EPHA6: variants seen among roughly 807,000 people sequenced by gnomAD.
The protein encoded by EPHA6 is EPH receptor A6, also known as ephrin type-A receptor 6.
In EPHA6, 50 loss-of-function variants were observed where a neutral mutation model predicts 112.0. The ratio of observed to expected loss-of-function variants is 0.45; its 90% confidence interval spans 0.36 to 0.56. The LOEUF is 0.56. Among genes scored for constraint, EPHA6 ranks in the 20% least tolerant of loss-of-function variants. The pLI is 0.00. For synonymous variants in EPHA6, 529 were observed against 490.7 expected (o/e 1.08, Z -1.03); for missense variants, 1,280 against 1,417.4 (o/e 0.90, Z 1.56).
At chr3:97,399,948 C>T (rs922643806) in intron 5 of EPHA6, among the ~76,000 whole-genome samples, 1 of 151,428 alleles carries the variant, frequency 6.6e-6, no homozygotes, top group African/African-American at 2.4e-5. Flanking sequence ...GATATAATCT[C>T]GTTTGTCTAT....
intron 12 of EPHA6, among the ~76,000 whole-genome samples, chr3:97,601,194 A>G (rs1467430070): frequency 2.0e-5 from 3 of 152,162 alleles, no homozygotes; most frequent in Non-Finnish European, 4.4e-5. Flanking sequence ...AACTATCAGC[A>G]CTTTCAAAAG....
intron 5 of EPHA6, among the ~76,000 whole-genome samples, chr3:97,287,589 T>A (rs2080518411): frequency 1.3e-5 from 2 of 152,188 alleles, no homozygotes; most frequent in African/African-American, 2.4e-5. Context: ...ATGAGCCATG[T>A]TCTTTTATGT....
At chr3:97,615,707 C>T (rs1453585857) in intron 13 of EPHA6, among the ~76,000 whole-genome samples, 2 of 152,174 alleles carry the variant, frequency 1.3e-5, no homozygotes, top group Non-Finnish European at 2.9e-5. Flanking sequence ...ATCTGCTCTA[C>T]CAAAACATGT....
chr3:97,479,991 T>G (rs1000464632), intron 9 of EPHA6, among the ~76,000 whole-genome samples: 3 of 152,170 alleles, frequency 2.0e-5, no homozygotes. Flanking sequence ...AGTTTTTCTA[T>G]TGTGAGACAC....
At chr3:97,044,056 A>G (rs1402436993) in intron 3 of EPHA6, among the ~76,000 whole-genome samples, 2 of 152,216 alleles carry the variant, frequency 1.3e-5, no homozygotes, top group Non-Finnish European at 2.9e-5. Flanking sequence ...GATGATCTCC[A>G]TACAGTCAGT....
rs146091281 is a variant in EPHA6, at chr3:97,430,062, T to C, written c.1732-18506T>C. Among the ~76,000 whole-genome samples, 923 of 152,312 alleles carry C rather than the reference T, an allele frequency of 6.1e-3. 12 individuals carry two copies. Among genetic ancestry groups the C allele is most frequent in the African/African-American group, 0.02 (849 of 41,576 alleles). On this transcript the variant is annotated intron_variant, in intron 6 of 17. Coordinates refer to ENST00000389672, the MANE Select transcript of EPHA6 (RefSeq NM_001080448.3). Reference sequence around the variant, plus strand: ...AAATTGGATATAAAACCTTTATTTCTTTTTTAAATTAATTTTTAAATATCA... The same window carrying C: ...AAATTGGATATAAAACCTTTATTTCCTTTTTAAATTAATTTTTAAATATCA...
intron 11 of EPHA6, among the ~76,000 whole-genome samples, chr3:97,558,254 T>C (rs1268940661): frequency 1.3e-5 from 2 of 151,950 alleles, no homozygotes; most frequent in African/African-American, 4.8e-5. Context: ...GTAGCAGAAA[T>C]GTCAGGCTTT....
At chr3:97,224,583 A>G (rs2078298584) in intron 3 of EPHA6, among the ~76,000 whole-genome samples, 1 of 152,198 alleles carries the variant, frequency 6.6e-6, no homozygotes. Context: ...AGAAAACAAT[A>G]TGCTTATAAT....
chr3:97,532,256 G>T, intron 10 of EPHA6, 102 bp from the exon 11 acceptor site: 1 of 959,834 alleles, frequency 1.0e-6, no homozygotes, highest in South Asian at 1.8e-5. Context: ...ACATACTTAA[G>T]AGTCATTATG....
At chr3:96,931,161 A>G (rs974155411) in intron 2 of EPHA6, among the ~76,000 whole-genome samples, 68 of 151,382 alleles carry the variant, frequency 4.5e-4, no homozygotes, top group African/African-American at 1.6e-3. Flanking sequence ...GGCCTGCCCC[A>G]CCTCCCAGCC....
intron 5 of EPHA6, among the ~76,000 whole-genome samples, chr3:97,288,926 T>TA (rs2080577897): frequency 7.1e-6 from 1 of 139,898 alleles, no homozygotes; most frequent in Non-Finnish European, 1.5e-5. Context: ...TAATGGGGAT[T>TA]TTTTTTTTTT....
chr3:97,347,570 C>A (rs556552474), intron 5 of EPHA6, among the ~76,000 whole-genome samples: 2 of 151,916 alleles, frequency 1.3e-5, no homozygotes, highest in African/African-American at 2.4e-5. Flanking sequence ...GAAAGTGACT[C>A]CAATGAACAT....
At chr3:97,107,271 T>C (rs945988647) in intron 3 of EPHA6, among the ~76,000 whole-genome samples, 1 of 152,126 alleles carries the variant, frequency 6.6e-6, no homozygotes. Context: ...AAGAAGTAAA[T>C]AGTAGTGAGA....
intron 5 of EPHA6, among the ~76,000 whole-genome samples, chr3:97,393,816 A>G (rs1258790208): frequency 2.0e-5 from 3 of 151,818 alleles, no homozygotes. Flanking sequence ...ACACATATGA[A>G]TGAGATCTTG....
At chr3:97,454,739 T>C (rs143753202) in intron 7 of EPHA6, among the ~76,000 whole-genome samples, 1 of 152,062 alleles carries the variant, frequency 6.6e-6, no homozygotes, top group African/African-American at 2.4e-5. Context: ...TGATCCAGTC[T>C]GTTGGTTGAA....
intron 15 of EPHA6, among the ~76,000 whole-genome samples, chr3:97,723,209 A>G (rs1267964242): frequency 6.6e-6 from 1 of 152,236 alleles, no homozygotes; most frequent in Non-Finnish European, 1.5e-5. Context: ...AAGATGCCAG[A>G]CCACAAGACA....
chr3:97,667,162 T>C (rs1358151502), intron 14 of EPHA6, among the ~76,000 whole-genome samples: 1 of 152,196 alleles, frequency 6.6e-6, no homozygotes, highest in Non-Finnish European at 1.5e-5. Flanking sequence ...CATAATTGAG[T>C]TTCCCTTGTG....
chr3:97,125,836 A>C (rs551990684), intron 3 of EPHA6, among the ~76,000 whole-genome samples: 89 of 152,284 alleles, frequency 5.8e-4, no homozygotes, highest in Non-Finnish European at 1.1e-3. Context: ...ACTGAATTTC[A>C]AACCTAGTTT....
At chr3:97,092,110 C>T (rs1333966110) in intron 3 of EPHA6, among the ~76,000 whole-genome samples, 1 of 146,258 alleles carries the variant, frequency 6.8e-6, no homozygotes, top group Non-Finnish European at 1.5e-5. Flanking sequence ...AAAAAAAAAG[C>T]AAAAAATTAA....
Sources: allele counts gnomAD v4.1 joint callset (sites outside exome capture counted in the v4.1 genomes callset), GRCh38; gene constraint gnomAD v4.1.1; transcripts MANE v1.5; gene names NCBI Gene and HGNC (gene_info 2026-07-23, HGNC 2026-07-21).